Variants in NYAP1 observed in about 807,000 individuals in gnomAD.
The protein encoded by NYAP1 is neuronal tyrosine-phosphorylated phosphoinositide-3-kinase adapter 1.
NYAP1 carries 20 observed loss-of-function variants against 58.6 expected under a neutral mutation model. The ratio of observed to expected loss-of-function variants is 0.34; its 90% CI spans 0.24 to 0.50. The LOEUF (loss-of-function observed/expected upper bound fraction) is 0.50, where lower values mean the gene tolerates loss of function less well. Ranked by LOEUF, NYAP1 falls within the 20% of genes least tolerant of loss-of-function variation. The pLI is 0.98. For missense variants in NYAP1, 1,150 were observed against 1,194.5 expected, an observed-to-expected ratio of 0.96 and a Z score of 0.55; for synonymous variants, 572 against 523.1, an observed-to-expected ratio of 1.09 and a Z score of -1.27.
rs1396207153 is a variant in NYAP1, at chr7:100,490,752, G to A, written c.2158+23G>A. ...GAGGTGACGCGGCCTGCACACACCT[G>A]TGCACAGCGGGGCTGGCTGGGGGAT... On this transcript the variant is annotated intron_variant, in intron 5 of 6. Coordinates refer to ENST00000300179, the MANE Select transcript of NYAP1 (RefSeq NM_173564.4). The surrounding 1 kb of genome is among the most constrained non-coding windows in gnomAD (Gnocchi z 4.6). 6.8e-7 allele frequency: 1 copy of A among 1,474,572 alleles called. No individual in the cohort carries two copies. The highest frequency in any genetic ancestry group is 2.4e-5 in the Admixed American group (1 of 41,194). The allele number at this position is 1,474,572 out of a possible 1,614,324, so 91.3% of individuals were successfully genotyped here.
At position 100,486,734 on chromosome 7, in the gene NYAP1, A is replaced by C; in HGVS notation, c.69-87A>C. 7.3e-7 allele frequency: 1 copy of C among 1,379,188 alleles called. No homozygotes were observed. The highest frequency in any genetic ancestry group is 9.4e-7 in the Non-Finnish European group (1 of 1,065,764). 85.4% of individuals were successfully genotyped at this position (1,379,188 alleles called of 1,614,324 possible). On this transcript the variant is annotated intron_variant, in intron 2 of 6. Coordinates refer to ENST00000300179, the MANE Select transcript of NYAP1 (RefSeq NM_173564.4). The surrounding 1 kb of genome is among the most constrained non-coding windows in gnomAD (Gnocchi z 6.2). ...CCCGTCCTCTTCCCTGGGAAGCCACAGGGTTGCTGACACCTCTTGGGGTGG... is the reference window on the plus strand; with the variant it reads ...CCCGTCCTCTTCCCTGGGAAGCCACCGGGTTGCTGACACCTCTTGGGGTGG...
chr7:100,491,683 G>A (rs955414858), intron 6 of NYAP1, among the ~76,000 whole-genome samples: 3 of 151,872 alleles, frequency 2.0e-5, no homozygotes, highest in Non-Finnish European at 4.4e-5. Flanking sequence ...AGGCCGAGGC[G>A]GGCAGATCAC....
Position 100,490,045 on chromosome 7 carries a change from C to T in NYAP1, c.1945+379C>T, listed in dbSNP as rs950286361. 1.3e-5 allele frequency among the ~76,000 whole-genome samples: 2 copies of T among 152,056 alleles called. No homozygotes were observed. Among genetic ancestry groups the T allele is most frequent in the Admixed American group, 6.5e-5 (1 of 15,270 alleles). On this transcript the variant is annotated intron_variant, in intron 4 of 6. Coordinates refer to ENST00000300179, the MANE Select transcript of NYAP1 (RefSeq NM_173564.4). The surrounding 1 kb of genome is among the most constrained non-coding windows in gnomAD (Gnocchi z 4.6). Reference sequence around the variant, plus strand: ...AGACAGGAGGGAGAGGAGAGGGAGGCCCCTACCGTTGCCTGGCAACGCAAT... The same window carrying T: ...AGACAGGAGGGAGAGGAGAGGGAGGTCCCTACCGTTGCCTGGCAACGCAAT...
intron 6 of NYAP1, among the ~76,000 whole-genome samples, chr7:100,493,028 G>A (rs895567938): frequency 6.6e-6 from 1 of 152,034 alleles, no homozygotes; most frequent in African/African-American, 2.4e-5. Flanking sequence ...GAGGAAAGGA[G>A]GAAGGGAGGG....
rs753671591 is a variant in NYAP1 at position 100,489,006 on chromosome 7, A to G, written c.1285A>G (p.Ser429Gly). 12 of 1,576,300 alleles carry G rather than the reference A, an allele frequency of 7.6e-6. No individual in the cohort carries two copies. Among genetic ancestry groups the G allele is most frequent in the Non-Finnish European group, 9.4e-6 (11 of 1,168,330 alleles). The change falls in exon 4 of 7, where the codon AGC (serine) becomes GGC (glycine). Residue 429 changes from serine (S) to glycine (G), a missense_variant. Transcript: ENST00000300179. ...RGERELPNSH[S>G]MICPKAAGAP... ...GGAGCGGGAGCTCCCCAACTCCCAC[A>G]GCATGATCTGCCCTAAGGCGGCGGG...
chr7:100,487,331 T>A lies in NYAP1; in HGVS notation c.430+149T>A. ...TCAAAAGGAATTGGGGGGGTCCTTTTGGATGGGCCTGAGATGAACCATTCA... is the reference window on the plus strand; with the variant it reads ...TCAAAAGGAATTGGGGGGGTCCTTTAGGATGGGCCTGAGATGAACCATTCA... On this transcript the variant is annotated intron_variant, in intron 3 of 6. Transcript: ENST00000300179. The surrounding 1 kb of genome is among the most constrained non-coding windows in gnomAD (Gnocchi z 4.1). The A allele has an allele frequency of 1.2e-6, 1 of 864,516 alleles. No individual in the cohort carries two copies. Among genetic ancestry groups the A allele is most frequent in the Non-Finnish European group, 1.6e-6 (1 of 607,424 alleles). The allele number at this position is 864,516 out of a possible 1,614,324, so 53.6% of individuals were successfully genotyped here.
At position 100,488,054 on chromosome 7, in the gene NYAP1, A is replaced by G. The variant is rs1177139565; in HGVS notation, c.431-98A>G. On this transcript the variant is annotated intron_variant, in intron 3 of 6. Transcript: ENST00000300179. The surrounding 1 kb of genome is among the most constrained non-coding windows in gnomAD (Gnocchi z 5.9). ...ATGTGGGGAAAAGGAAGAGGCAGAT[A>G]TGTCCTTGCAGAAGGGTCAAGGGAT... 2.5e-6 allele frequency: 2 copies of G among 813,642 alleles called. No homozygotes were observed. The highest frequency in any genetic ancestry group is 3.5e-5 in the African/African-American group (2 of 57,658). 50.4% of individuals were successfully genotyped at this position (813,642 alleles called of 1,614,324 possible). A position where few individuals can be genotyped will look rare whatever the true frequency, so the allele number is the denominator to read the frequency against.
chr7:100,488,973 C>G lies in NYAP1; in HGVS notation c.1252C>G (p.Pro418Ala), dbSNP rs907674929. The change falls in exon 4 of 7, where the codon CCC becomes GCC. Residue 418 changes from proline (P) to alanine (A), a missense_variant. Pro to Ala is a conservative substitution (Grantham distance 27). Transcript: ENST00000300179. This position sits in a 1 kb window ranked among gnomAD's most constrained non-coding sequence, Gnocchi z 5.9. ...GTTGCCACCCCAGGGCTCTGGCCAG[C>G]CCCGGGGGGAGCGGGAGCTCCCCAA... is the stretch of plus-strand genomic sequence containing the variant. ...TPLPPQGSGQ[P>A]RGERELPNSH... The G allele has an allele frequency of 4.4e-6, 7 of 1,576,518 alleles. No individual in the cohort carries two copies. The highest frequency in any genetic ancestry group is 1.8e-5 in the Admixed American group (1 of 54,590).
At position 100,493,998 on chromosome 7, in the gene NYAP1, A is replaced by C. The variant is rs1799835835; in HGVS notation, c.*95A>C. On this transcript the variant is annotated 3_prime_UTR_variant, in exon 7 of 7. Transcript: ENST00000300179. Reference sequence around the variant, plus strand: ...TCGCCTTGAGAGACATTGAAAGACTACGTGGGAGAGTGCCAGGGAGAACCC... The same window carrying C: ...TCGCCTTGAGAGACATTGAAAGACTCCGTGGGAGAGTGCCAGGGAGAACCC... 8.8e-7 allele frequency: 1 copy of C among 1,130,826 alleles called. No homozygotes were observed. The highest frequency in any genetic ancestry group is 1.2e-6 in the Non-Finnish European group (1 of 840,800). 70.0% of individuals were successfully genotyped at this position (1,130,826 alleles called of 1,614,324 possible).
At position 100,490,051 on chromosome 7, in the gene NYAP1, C is replaced by T. The variant is rs962730407; in HGVS notation, c.1945+385C>T. 2.1e-4 allele frequency among the ~76,000 whole-genome samples: 32 copies of T among 152,028 alleles called. No homozygotes were observed. Among genetic ancestry groups the T allele is most frequent in the African/African-American group, 7.3e-4 (30 of 41,374 alleles). On this transcript the variant is annotated intron_variant, in intron 4 of 6. Coordinates refer to ENST00000300179, the MANE Select transcript of NYAP1 (RefSeq NM_173564.4). The surrounding 1 kb of genome is among the most constrained non-coding windows in gnomAD (Gnocchi z 4.6). The stretch of plus-strand genomic sequence containing the variant: ...GAGGGAGAGGAGAGGGAGGCCCCTA[C>T]CGTTGCCTGGCAACGCAATGCTCTG...
Position 100,485,956 on chromosome 7 carries a change from G to T in NYAP1, c.68+577G>T, listed in dbSNP as rs1217249047. 1.3e-5 allele frequency among the ~76,000 whole-genome samples: 2 copies of T among 152,226 alleles called. No homozygotes were observed. The highest frequency in any genetic ancestry group is 1.3e-4 in the Admixed American group (2 of 15,296). On this transcript the variant is annotated intron_variant, in intron 2 of 6. Transcript: ENST00000300179. This position sits in a 1 kb window ranked among gnomAD's most constrained non-coding sequence, Gnocchi z 5.7. ...TGCCCTTCCAGGGACCTGGGGCCTG[G>T]CCTCTCCCATCCTTCTCTCCTTCTC...
chr7:100,493,814 C>A lies in NYAP1; in HGVS notation c.2437C>A (p.Pro813Thr). ...LCKQESMPILPSWRRGPEPRK... is the reference protein window; with the variant it reads ...LCKQESMPILTSWRRGPEPRK... ...CAAGCAGGAGAGCATGCCCATCCTC[C>A]CCAGCTGGCGGCGGGGACCCGAGCC... Residue 813 changes from proline (P) to threonine (T), a missense_variant, in exon 7 of 7, where the codon CCC becomes ACC. By Grantham distance (38) the Pro-to-Thr change is conservative. Transcript: ENST00000300179. 1.3e-6 allele frequency: 2 copies of A among 1,589,434 alleles called. No homozygotes were observed. Among genetic ancestry groups the A allele is most frequent in the East Asian group, 4.6e-5 (2 of 43,080 alleles).
chr7:100,494,000 G>C lies in NYAP1; in HGVS notation c.*97G>C, dbSNP rs1476343841. ...GCCTTGAGAGACATTGAAAGACTAC[G>C]TGGGAGAGTGCCAGGGAGAACCCCT... On this transcript the variant is annotated 3_prime_UTR_variant, in exon 7 of 7. Coordinates refer to ENST00000300179, the MANE Select transcript of NYAP1 (RefSeq NM_173564.4). 3.6e-6 allele frequency: 4 copies of C among 1,102,336 alleles called. No homozygotes were observed. In the African/African-American group the frequency reaches 6.7e-5, roughly 18 times the overall value. 68.3% of individuals were successfully genotyped at this position (1,102,336 alleles called of 1,614,324 possible). A position where few individuals can be genotyped will look rare whatever the true frequency, so the allele number is the denominator to read the frequency against.
chr7:100,493,403 G>A (rs1230493880), intron 6 of NYAP1, among the ~76,000 whole-genome samples: 1 of 152,150 alleles, frequency 6.6e-6, no homozygotes, highest in Non-Finnish European at 1.5e-5. Flanking sequence ...TCCCTTCTAG[G>A]GGGACCAACT....
Position 100,488,807 on chromosome 7 carries a change from C to T in NYAP1, c.1086C>T (p.His362=). 1 of 1,577,596 alleles carries T rather than the reference C, an allele frequency of 6.3e-7. No individual in the cohort carries two copies. The highest frequency in any genetic ancestry group is 8.6e-7 in the Non-Finnish European group (1 of 1,163,124). Reference sequence around the variant, plus strand: ...TCTCAAGGCTACCTGTCCTCTGCCACTCCAAGGAGCCAGCCGGCTCCACCC... The same window carrying T: ...TCTCAAGGCTACCTGTCCTCTGCCATTCCAAGGAGCCAGCCGGCTCCACCC... ...DGVSRLPVLC[H]SKEPAGSTPA... is the part of the protein sequence containing the mutation. The change falls in exon 4 of 7, where the codon CAC becomes CAT. Residue 362 remains histidine (H), a synonymous_variant. Coordinates refer to ENST00000300179, the MANE Select transcript of NYAP1 (RefSeq NM_173564.4). This position sits in a 1 kb window ranked among gnomAD's most constrained non-coding sequence, Gnocchi z 5.9.
rs1427758662 is a variant in NYAP1 at position 100,487,533 on chromosome 7, G to A, written c.430+351G>A. On this transcript the variant is annotated intron_variant, in intron 3 of 6. Transcript: ENST00000300179. The surrounding 1 kb of genome is among the most constrained non-coding windows in gnomAD (Gnocchi z 4.1). ...TTTTTTTTTTTTGAGACAGAGTCTC[G>A]CTCTGTTGCCCAGGCAGGAGTGCAG... 6.6e-6 allele frequency among the ~76,000 whole-genome samples: 1 copy of A among 151,894 alleles called. No individual in the cohort carries two copies. Among genetic ancestry groups the A allele is most frequent in the African/African-American group, 2.4e-5 (1 of 41,342 alleles).
intron 6 of NYAP1, among the ~76,000 whole-genome samples, chr7:100,493,302 AGT>A: frequency 6.6e-6 from 1 of 152,296 alleles, no homozygotes; most frequent in Middle Eastern, 3.4e-3. Context: ...TCGAGGCTGC[AGT>A]GAGCTATGAT....
At position 100,493,975 on chromosome 7, in the gene NYAP1, G is replaced by A; in HGVS notation, c.*72G>A. Reference sequence around the variant, plus strand: ...CACGCCTGGCTCTCCCGGGAGCCTCGCCTTGAGAGACATTGAAAGACTACG... The same window carrying A: ...CACGCCTGGCTCTCCCGGGAGCCTCACCTTGAGAGACATTGAAAGACTACG... On this transcript the variant is annotated 3_prime_UTR_variant, in exon 7 of 7. Coordinates refer to ENST00000300179, the MANE Select transcript of NYAP1 (RefSeq NM_173564.4). 1.6e-6 allele frequency: 2 copies of A among 1,277,738 alleles called. No individual in the cohort carries two copies. The highest frequency in any genetic ancestry group is 1.6e-5 in the South Asian group (1 of 61,734). 79.2% of individuals were successfully genotyped at this position (1,277,738 alleles called of 1,614,324 possible).
In NYAP1 at chr7:100,490,541, G is replaced by T; in HGVS notation, c.1970G>T (p.Trp657Leu). 6.3e-7 allele frequency: 1 copy of T among 1,588,036 alleles called. No individual in the cohort carries two copies. Among genetic ancestry groups the T allele is most frequent in the East Asian group, 2.3e-5 (1 of 43,826 alleles). ...LDKVEDGARA[W>L]NGSAEGPGKV... The stretch of plus-strand genomic sequence containing the variant: ...GAGGTCGAGGACGGTGCCCGGGCCT[G>T]GAATGGCAGTGCCGAGGGTCCAGGC... Residue 657 changes from tryptophan to leucine, a missense_variant, in exon 5 of 7, where the codon TGG becomes TTG. Physicochemically the swap from Trp to Leu is moderately conservative, Grantham distance 61. Transcript: ENST00000300179. The surrounding 1 kb of genome is among the most constrained non-coding windows in gnomAD (Gnocchi z 4.6).
Sources: gnomAD v4.1 joint callset for allele counts (sites outside exome capture counted in the v4.1 genomes callset) on GRCh38, gnomAD v4.1.1 for gene constraint, Gnocchi (gnomAD v3.1) non-coding constraint, MANE v1.5 for transcripts, NCBI Gene and HGNC (gene_info 2026-07-23, HGNC 2026-07-21) for gene names.